The following MARK2 variants were observed in gnomAD, a reference collection of about 807,000 sequenced individuals.
MARK2 encodes the protein microtubule affinity regulating kinase 2, also known as serine/threonine-protein kinase MARK2.
Under a neutral mutation model 89.8 loss-of-function variants are expected in MARK2, and 16 were observed. That is an observed-to-expected ratio of 0.18 (90% CI 0.12 to 0.27). The LOEUF is 0.27. MARK2 is among the 10% of genes least tolerant of loss of function. MARK2 has a pLI of 1.00. For synonymous variants in MARK2, 382 were observed against 399.5 expected (o/e 0.96, Z 0.52); for missense variants, 621 against 1,049.9 (o/e 0.59, Z 5.65).
At position 63,899,897 on chromosome 11, in the gene MARK2, T is replaced by C. The variant is rs1940728015; in HGVS notation, c.555T>C (p.Ala185=). 1.2e-6 allele frequency: 2 copies of C among 1,613,928 alleles called. No homozygotes were observed. The highest frequency in any genetic ancestry group is 1.7e-6 in the Non-Finnish European group (2 of 1,179,914). ...AGGCAGAAAACCTGCTCTTGGATGC[T>C]GATATGAACATCAAGATTGCAGACT... ...DLKAENLLLD[A]DMNIKIADFG... is the part of the protein sequence containing the mutation. The change falls in exon 8 of 19, where the codon GCT becomes GCC. Residue 185 remains alanine, a synonymous_variant. Transcript: ENST00000402010.
chr11:63,856,243 G>C (rs929708517), intron 1 of MARK2, among the ~76,000 whole-genome samples: 25 of 149,538 alleles, frequency 1.7e-4, no homozygotes, highest in African/African-American at 6.1e-4. Context: ...TCTCTGTGAT[G>C]TGAGGGACTT....
intron 1 of MARK2, among the ~76,000 whole-genome samples, chr11:63,861,929 T>C (rs1452544239): frequency 1.0e-4 from 15 of 146,698 alleles, no homozygotes; most frequent in South Asian, 2.2e-4. Flanking sequence ...TCTTTCTTTT[T>C]TTTTTTTTTT....
Position 63,892,842 on chromosome 11 carries a change from G to A in MARK2, c.55-2317G>A, listed in dbSNP as rs376806730. Among the ~76,000 whole-genome samples, 18 of 147,126 alleles carry A rather than the reference G, an allele frequency of 1.2e-4. No homozygotes were observed. In the South Asian group the frequency reaches 3.0e-3, roughly 25 times the overall value. On this transcript the variant is annotated intron_variant, in intron 1 of 18. Coordinates refer to ENST00000402010, the MANE Select transcript of MARK2 (RefSeq NM_001039469.3). ...CCTCCTGGGTTCAAGCGATCCTCCCGCCTCATCCTCCAGAGCAGCTGGGAC... is the reference window on the plus strand; with the variant it reads ...CCTCCTGGGTTCAAGCGATCCTCCCACCTCATCCTCCAGAGCAGCTGGGAC...
Position 63,900,164 on chromosome 11 carries a change from C to G in MARK2, c.768+54C>G. Reference sequence around the variant, plus strand: ...TTCTCATTTCCTCTCGGCCTCTGGTCTTAGCCCTGACCTCCTGCCTTTGCC... The same window carrying G: ...TTCTCATTTCCTCTCGGCCTCTGGTGTTAGCCCTGACCTCCTGCCTTTGCC... On this transcript the variant is annotated intron_variant, in intron 8 of 18. Transcript: ENST00000402010. The surrounding 1 kb of genome is among the most constrained non-coding windows in gnomAD (Gnocchi z 4.7). 7.3e-7 allele frequency: 1 copy of G among 1,372,748 alleles called. No homozygotes were observed. The highest frequency in any genetic ancestry group is 1.2e-5 in the South Asian group (1 of 85,102). The allele number at this position is 1,372,748 out of a possible 1,614,324, so 85.0% of individuals were successfully genotyped here. A position where few individuals can be genotyped will look rare whatever the true frequency, so the allele number is the denominator to read the frequency against.
At position 63,890,335 on chromosome 11, in the gene MARK2, T is replaced by C. The variant is rs530746111; in HGVS notation, c.55-4824T>C. 7 of 1,264,040 alleles carry C rather than the reference T, an allele frequency of 5.5e-6. No homozygotes were observed. The African/African-American group carries it at 1.1e-4, about 19-fold the overall frequency. 78.3% of individuals were successfully genotyped at this position (1,264,040 alleles called of 1,614,324 possible). Reference sequence around the variant, plus strand: ...GATTGAGCACTTGGAGTCCTCTGAGTTGGATGGTTCAGTCCCGAAAAGGGG... The same window carrying C: ...GATTGAGCACTTGGAGTCCTCTGAGCTGGATGGTTCAGTCCCGAAAAGGGG... On this transcript the variant is annotated intron_variant, in intron 1 of 18. Coordinates refer to ENST00000402010, the MANE Select transcript of MARK2 (RefSeq NM_001039469.3).
intron 17 of MARK2, among the ~76,000 whole-genome samples, chr11:63,907,070 A>G (rs369731551): frequency 6.6e-6 from 1 of 152,164 alleles, no homozygotes; most frequent in African/African-American, 2.4e-5. Context: ...TCCTCTCTGC[A>G]GGCCTCGGGG....
intron 1 of MARK2, among the ~76,000 whole-genome samples, chr11:63,860,887 C>T (rs189780047): frequency 6.6e-6 from 1 of 151,748 alleles, no homozygotes; most frequent in African/African-American, 2.4e-5. Context: ...AACAAAAACT[C>T]ATGTCATTTG....
rs1463028202 is a variant in MARK2 at position 63,902,726 on chromosome 11, C to G, written c.1360C>G (p.Pro454Ala). ...GRKASSTAKV[P>A]ASPLPGLERK... is the part of the protein sequence containing the mutation. ...GAAAGCCAGCAGCACAGCCAAGGTGCCTGCCAGCCCCCTGCCCGGTCTGGA... is the reference window on the plus strand; with the variant it reads ...GAAAGCCAGCAGCACAGCCAAGGTGGCTGCCAGCCCCCTGCCCGGTCTGGA... The change falls in exon 13 of 19, where the codon CCT becomes GCT. Residue 454 changes from proline (P) to alanine (A), a missense_variant. By Grantham distance (27) the Pro-to-Ala change is conservative (BLOSUM62 -1). This residue lies in a region of MARK2 where 397 missense variants were observed against 567.8 expected (regional missense o/e 0.70). Transcript: ENST00000402010. This position sits in a 1 kb window ranked among gnomAD's most constrained non-coding sequence, Gnocchi z 4.2. 1 of 1,613,992 alleles carries G rather than the reference C, an allele frequency of 6.2e-7. No individual in the cohort carries two copies. The highest frequency in any genetic ancestry group is 8.5e-7 in the Non-Finnish European group (1 of 1,180,002).
intron 1 of MARK2, chr11:63,868,778 G>A (rs1938278224): frequency 2.2e-6 from 1 of 455,932 alleles, no homozygotes; most frequent in Non-Finnish European, 4.4e-6. Flanking sequence ...GAACACTAGT[G>A]TTGGGAATAT....
intron 3 of MARK2, among the ~76,000 whole-genome samples, chr11:63,895,964 C>G (rs1467064623): frequency 1.3e-5 from 2 of 152,116 alleles, no homozygotes; most frequent in Non-Finnish European, 2.9e-5. Context: ...ACCACTGCCC[C>G]CAGCCCACCT....
chr11:63,881,324 C>T (rs1939075829), intron 1 of MARK2, among the ~76,000 whole-genome samples: 1 of 151,942 alleles, frequency 6.6e-6, no homozygotes, highest in Admixed American at 6.6e-5. Context: ...ATACCAAGGT[C>T]CCTCCTTTTG....
At chr11:63,856,847 G>A (rs1241644478) in intron 1 of MARK2, among the ~76,000 whole-genome samples, 3 of 123,182 alleles carry the variant, frequency 2.4e-5, no homozygotes, top group Non-Finnish European at 4.8e-5. Flanking sequence ...TCACTCTCTC[G>A]CCCAGGCTGG....
Position 63,909,390 on chromosome 11 carries a change from C to A in MARK2, c.*153C>A. ...CCTGGCCCTTCTCAGTTTTCTCTTA[C>A]ATGTTTGTGGGGGGTGGGAGATTGT... On this transcript the variant is annotated 3_prime_UTR_variant, in exon 19 of 19. Transcript: ENST00000402010. The A allele has an allele frequency of 3.8e-6, 3 of 786,696 alleles. No individual in the cohort carries two copies. Among genetic ancestry groups the A allele is most frequent in the Non-Finnish European group, 3.8e-6 (2 of 528,656 alleles). 48.7% of individuals were successfully genotyped at this position (786,696 alleles called of 1,614,324 possible).
Position 63,839,152 on chromosome 11 carries a change from G to A in MARK2, c.-355G>A, listed in dbSNP as rs2015872542. 1 of 198,124 alleles carries A rather than the reference G, an allele frequency of 5.0e-6. No homozygotes were observed. Among genetic ancestry groups the A allele is most frequent in the Non-Finnish European group, 1.0e-5 (1 of 99,520 alleles). 12.3% of individuals were successfully genotyped at this position (198,124 alleles called of 1,614,324 possible). ...TGTTGGGAGCAGCAGGTCCGGCGGC[G>A]GCTGCCTGTGTGCCGGGCGCGGAGC... On this transcript the variant is annotated 5_prime_UTR_variant, in exon 1 of 19. Coordinates refer to ENST00000402010, the MANE Select transcript of MARK2 (RefSeq NM_001039469.3).
Position 63,895,461 on chromosome 11 carries a change from TA to T in MARK2, c.235-118del, listed in dbSNP as rs1282182021. On this transcript the variant is annotated intron_variant, in intron 2 of 18. Transcript: ENST00000402010. The stretch of plus-strand genomic sequence containing the variant: ...TCCGGCAGAAATGAGATCTGAGATA[TA>T]GGGGTGCAAAAAGCTGTGGGATGAA... 7 of 1,415,926 alleles carry T rather than the reference TA, an allele frequency of 4.9e-6. No homozygotes were observed. The African/African-American group carries it at 9.9e-5, about 20-fold the overall frequency. 87.7% of individuals were successfully genotyped at this position (1,415,926 alleles called of 1,614,324 possible). A position where few individuals can be genotyped will look rare whatever the true frequency, so the allele number is the denominator to read the frequency against.
intron 1 of MARK2, among the ~76,000 whole-genome samples, chr11:63,854,379 T>G (rs1342489303): frequency 2.5e-5 from 3 of 121,806 alleles, no homozygotes; most frequent in African/African-American, 2.9e-5. Flanking sequence ...TTTCTATTTG[T>G]TTTTTTTTTT....
chr11:63,902,944 A>G lies in MARK2; in HGVS notation c.1417-117A>G. 1 of 1,080,636 alleles carries G rather than the reference A, an allele frequency of 9.3e-7. No homozygotes were observed. The highest frequency in any genetic ancestry group is 1.4e-6 in the Non-Finnish European group (1 of 709,300). 66.9% of individuals were successfully genotyped at this position (1,080,636 alleles called of 1,614,324 possible). On this transcript the variant is annotated intron_variant, in intron 13 of 18. Coordinates refer to ENST00000402010, the MANE Select transcript of MARK2 (RefSeq NM_001039469.3). This position sits in a 1 kb window ranked among gnomAD's most constrained non-coding sequence, Gnocchi z 4.2. ...AAATGCAGAATCCTTTCCTTAACCTACCACTGTCTGCTTCAGGTGGAAGGG... is the reference window on the plus strand; with the variant it reads ...AAATGCAGAATCCTTTCCTTAACCTGCCACTGTCTGCTTCAGGTGGAAGGG...
At chr11:63,875,846 C>A (rs1167269618) in intron 1 of MARK2, among the ~76,000 whole-genome samples, 1 of 152,218 alleles carries the variant, frequency 6.6e-6, no homozygotes, top group African/African-American at 2.4e-5. Flanking sequence ...AAGCTTTCAG[C>A]AGCACCATCA....
rs898205153 is a variant in MARK2, at chr11:63,903,588, G to A, written c.1515-398G>A. On this transcript the variant is annotated intron_variant, in intron 14 of 18. Transcript: ENST00000402010. The surrounding 1 kb of genome is among the most constrained non-coding windows in gnomAD (Gnocchi z 5.1). ...CAGAGCTCCCCAGCCTTCACCGGCC[G>A]CATTTCTTGGTGTTGCATTCCTGGC... Among the ~76,000 whole-genome samples, 3 of 151,824 alleles carry A rather than the reference G, an allele frequency of 2.0e-5. No homozygotes were observed. The highest frequency in any genetic ancestry group is 4.4e-5 in the Non-Finnish European group (3 of 67,954).
Sources: allele counts gnomAD v4.1 joint callset (sites outside exome capture counted in the v4.1 genomes callset), GRCh38; gene constraint gnomAD v4.1.1; regional missense constraint gnomAD v4.1.1; non-coding constraint Gnocchi (gnomAD v3.1); transcripts MANE v1.5; gene names NCBI Gene and HGNC (gene_info 2026-07-23, HGNC 2026-07-21).